The following FAXDC2 variants were observed in gnomAD, a reference collection of about 807,000 sequenced individuals.
FAXDC2 encodes fatty acid hydroxylase domain containing 2.
A neutral mutation model predicts 40.9 loss-of-function variants in FAXDC2; 41 were observed. The ratio of observed to expected loss-of-function variants is 1.00; its 90% CI spans 0.78 to 1.30. FAXDC2 has a LOEUF of 1.30. FAXDC2 is among the 50% of genes most tolerant of loss of function. The pLI is 0.00. For missense variants in FAXDC2, 390 were observed against 408.8 expected, an observed-to-expected ratio of 0.95 and a Z score of 0.40; for synonymous variants, 157 against 149.3, an observed-to-expected ratio of 1.05 and a Z score of -0.38.
At chr5:154,827,587 GC>G (rs1414469280) in intron 5 of FAXDC2, among the ~76,000 whole-genome samples, 2 of 151,828 alleles carry the variant, frequency 1.3e-5, no homozygotes, top group Admixed American at 1.3e-4. Flanking sequence ...GTTAGGTGAG[GC>G]CATTACACCT....
intron 1 of FAXDC2, among the ~76,000 whole-genome samples, chr5:154,844,350 C>T (rs1278108093): frequency 1.3e-5 from 2 of 150,984 alleles, no homozygotes; most frequent in African/African-American, 4.9e-5. Flanking sequence ...CCACTGCACT[C>T]CTGCCTGGAT....
At chr5:154,830,713 TCTCTC>T in intron 5 of FAXDC2, 83 bp downstream of exon 5, 1 of 1,497,472 alleles carries the variant, frequency 6.7e-7, no homozygotes, top group Non-Finnish European at 9.2e-7. Flanking sequence ...ACTGGCCAGG[TCTCTC>T]CTGGGCCAGT....
At chr5:154,826,603 A>G (rs1760045701) in intron 5 of FAXDC2, among the ~76,000 whole-genome samples, 1 of 152,060 alleles carries the variant, frequency 6.6e-6, no homozygotes, top group Non-Finnish European at 1.5e-5. Flanking sequence ...AGCCAAGTGA[A>G]AAAAATATTT....
At chr5:154,849,527 G>A (rs535597518) in intron 1 of FAXDC2, among the ~76,000 whole-genome samples, 47 of 152,130 alleles carry the variant, frequency 3.1e-4, no homozygotes, top group Middle Eastern at 6.8e-3. Context: ...AAGATTTGCC[G>A]AATAAATAAG....
chr5:154,823,297 A>T, intron 6 of FAXDC2, 90 bp downstream of exon 6: 2 of 1,206,540 alleles, frequency 1.7e-6, no homozygotes, highest in Non-Finnish European at 2.4e-6. Flanking sequence ...TACAAGCGTG[A>T]GTCACTGCAC....
rs141201234 is a variant in FAXDC2, at chr5:154,819,217, A to C, written c.*1099T>G. 1.3e-5 allele frequency: 2 copies of C among 152,218 alleles called. No individual in the cohort carries two copies. The highest frequency in any genetic ancestry group is 4.8e-5 in the African/African-American group (2 of 41,446). 9.4% of individuals were successfully genotyped at this position (152,218 alleles called of 1,614,324 possible). ...CTTTCAAATCAAAGAGTGATCTTTA[A>C]ATTGTTCTTGGGAACCACAGGGTTC... On this transcript the variant is annotated 3_prime_UTR_variant, in exon 9 of 9. Transcript: ENST00000326080.
chr5:154,827,208 G>A (rs1286677563), intron 5 of FAXDC2, among the ~76,000 whole-genome samples: 1 of 152,034 alleles, frequency 6.6e-6, no homozygotes, highest in Non-Finnish European at 1.5e-5. Flanking sequence ...GGAAGGCTGA[G>A]GCAGGAGAAT....
Position 154,818,890 on chromosome 5 carries a change from C to T in FAXDC2, c.*1426G>A, listed in dbSNP as rs1759801068. The T allele has an allele frequency of 1.3e-5, 2 of 152,374 alleles. No homozygotes were observed. The highest frequency in any genetic ancestry group is 2.1e-4 in the South Asian group (1 of 4,826). The allele number at this position is 152,374 out of a possible 1,614,324, so 9.4% of individuals were successfully genotyped here. ...TGATGCACCAGGAACTGTATTCAAG[C>T]TGAGGGCAAAAGCCTCCTAGGGAGG... On this transcript the variant is annotated 3_prime_UTR_variant, in exon 9 of 9. Transcript: ENST00000326080.
rs1174914660 is a variant in FAXDC2, at chr5:154,838,162, C to T, written c.17G>A (p.Gly6Glu). The stretch of plus-strand genomic sequence containing the variant: ...TGACTTTTCATTGTGTAGCATATGT[C>T]CAGCTTCTCCTTTCATCTGGAATGA... Reference protein sequence around the residue: MKGEAGHMLHNEKSKQ... With the variant: MKGEAEHMLHNEKSKQ... The change falls in exon 2 of 9, where the codon GGA becomes GAA. Residue 6 changes from glycine (G) to glutamate (E), a missense_variant. Physicochemically the swap from Gly to Glu is moderately conservative, Grantham distance 98. Coordinates refer to ENST00000326080, the MANE Select transcript of FAXDC2 (RefSeq NM_032385.5). 7.4e-6 allele frequency: 12 copies of T among 1,613,484 alleles called. No homozygotes were observed. The highest frequency in any genetic ancestry group is 1.1e-5 in the South Asian group (1 of 90,988).
At chr5:154,828,922 C>CTT (rs374113320) in intron 5 of FAXDC2, among the ~76,000 whole-genome samples, 10 of 132,480 alleles carry the variant, frequency 7.5e-5, no homozygotes, top group East Asian at 4.5e-4. Flanking sequence ...TTCTTTTTTT[C>CTT]TTTTTTTTTT....
intron 1 of FAXDC2, among the ~76,000 whole-genome samples, chr5:154,846,544 T>A (rs1344085768): frequency 1.3e-5 from 2 of 152,112 alleles, no homozygotes. Context: ...AAATATTTTT[T>A]AAACATTTAT....
intron 1 of FAXDC2, among the ~76,000 whole-genome samples, chr5:154,846,269 A>AGTGTGTGTGTGT (rs10674936): frequency 8.1e-5 from 12 of 147,346 alleles, no homozygotes; most frequent in African/African-American, 3.0e-4. Context: ...TGAACTAGAT[A>AGTGTGTGTGTGT]GTGTGTGTGT....
intron 5 of FAXDC2, 119 bp downstream of exon 5, chr5:154,830,682 G>C (rs1255854477): frequency 7.6e-6 from 9 of 1,177,436 alleles, no homozygotes; most frequent in African/African-American, 1.5e-5. Context: ...GGGGAGCCTT[G>C]TTGCTAATAA....
At chr5:154,834,510 C>T (rs1399835735) in intron 4 of FAXDC2, 115 bp downstream of exon 4, 31 of 766,750 alleles carry the variant, frequency 4.0e-5, no homozygotes, top group Non-Finnish European at 6.5e-5. Context: ...AGTTCAAGTC[C>T]TCATCCCTTG....
At chr5:154,835,089 G>T in intron 2 of FAXDC2, 155 bp from the exon 3 acceptor site, 1 of 610,320 alleles carries the variant, frequency 1.6e-6, no homozygotes, top group Non-Finnish European at 2.9e-6. Context: ...CAGCTTCTGT[G>T]GGAGCCTCTT....
At position 154,829,042 on chromosome 5, in the gene FAXDC2, G is replaced by A. The variant is rs535872402; in HGVS notation, c.366+1759C>T. Among the ~76,000 whole-genome samples the A allele has an allele frequency of 1.1e-4, 17 of 149,646 alleles. No individual in the cohort carries two copies. The South Asian group carries it at 2.3e-3, about 21-fold the overall frequency. On this transcript the variant is annotated intron_variant, in intron 5 of 8. Transcript: ENST00000326080. ...TCAAGCAATTCTCCTCCAGGCATGC[G>A]CCACCATGCCCAGCTAATTTTTGTA... is the stretch of plus-strand genomic sequence containing the variant.
At chr5:154,838,432 C>T (rs1306026976) in intron 1 of FAXDC2, 10 of 476,398 alleles carry the variant, frequency 2.1e-5, no homozygotes, top group Admixed American at 8.2e-5. Context: ...CTACCAACTA[C>T]AAAAAATGTA....
intron 5 of FAXDC2, among the ~76,000 whole-genome samples, chr5:154,828,078 G>A (rs1760089540): frequency 6.6e-6 from 1 of 151,870 alleles, no homozygotes; most frequent in African/African-American, 2.4e-5. Context: ...TCGAACTCCT[G>A]GGCTCAAGTG....
intron 5 of FAXDC2, among the ~76,000 whole-genome samples, chr5:154,829,824 A>G (rs1287757254): frequency 2.0e-5 from 3 of 152,228 alleles, no homozygotes; most frequent in Non-Finnish European, 4.4e-5. Context: ...AGTGTTCTCA[A>G]GGACCAAGCA....
Sources: allele counts gnomAD v4.1 joint callset (sites outside exome capture counted in the v4.1 genomes callset), GRCh38; gene constraint gnomAD v4.1.1; transcripts MANE v1.5; gene names NCBI Gene and HGNC (gene_info 2026-07-23, HGNC 2026-07-21).